Variants in MED27 observed in about 807,000 individuals in gnomAD.
MED27 encodes mediator of RNA polymerase II transcription subunit 27.
Under a neutral mutation model 38.2 loss-of-function variants are expected in MED27, and 30 were observed. The observed-to-expected ratio is 0.79, with a 90% confidence interval of 0.59 to 1.07. MED27 has a LOEUF of 1.07. Among genes scored for constraint, MED27 ranks in the 50% least tolerant of loss-of-function variants. MED27 has a pLI of 0.00. For synonymous variants in MED27, 122 were observed against 153.5 expected, an observed-to-expected ratio of 0.79 and a Z score of 1.52; for missense variants, 289 against 397.5, an observed-to-expected ratio of 0.73 and a Z score of 2.32.
At chr9:132,074,065 T>C (rs576041610) in intron 2 of MED27, among the ~76,000 whole-genome samples, 13 of 152,380 alleles carry the variant, frequency 8.5e-5, no homozygotes, top group South Asian at 4.1e-4. Context: ...CAAGTCTACA[T>C]TGACTATTTT....
intron 3 of MED27, among the ~76,000 whole-genome samples, chr9:131,989,976 T>C (rs894901688): frequency 6.6e-6 from 1 of 152,166 alleles, no homozygotes; most frequent in African/African-American, 2.4e-5. Flanking sequence ...AACTTCAGCT[T>C]GCAACCAAGG....
chr9:131,930,516 A>G (rs563225008), intron 4 of MED27, among the ~76,000 whole-genome samples: 1 of 152,348 alleles, frequency 6.6e-6, no homozygotes, highest in African/African-American at 2.4e-5. Flanking sequence ...ATATCCTATG[A>G]AAATATCCTT....
chr9:131,872,341 GGCCAAGCTAGAAGAGCGGGC>G lies in MED27; in HGVS notation c.724-9221_724-9202del, dbSNP rs1838851739. 6.6e-6 allele frequency among the ~76,000 whole-genome samples: 1 copy of G among 152,240 alleles called. No homozygotes were observed. The highest frequency in any genetic ancestry group is 2.4e-5 in the African/African-American group (1 of 41,458). On this transcript the variant is annotated intron_variant, in intron 6 of 7. Transcript: ENST00000292035. This position sits in a 1 kb window ranked among gnomAD's most constrained non-coding sequence, Gnocchi z 5.6. ...TTATCTGCCAGCACACAGCCCCCGAGGCCAAGCTAGAAGAGCGGGCGCCTCTACTATTCGGAGTATTTCCT... is the reference window on the plus strand; with the variant it reads ...TTATCTGCCAGCACACAGCCCCCGAGGCCTCTACTATTCGGAGTATTTCCT...
chr9:132,047,983 A>C (rs1344416695), intron 2 of MED27, among the ~76,000 whole-genome samples: 5 of 152,196 alleles, frequency 3.3e-5, no homozygotes, highest in Non-Finnish European at 7.3e-5. Flanking sequence ...TGTGGGAGTT[A>C]TTTATATCCT....
intron 3 of MED27, among the ~76,000 whole-genome samples, chr9:132,007,448 A>C (rs1459016291): frequency 6.6e-6 from 1 of 152,216 alleles, no homozygotes; most frequent in East Asian, 1.9e-4. Context: ...TCAGAAGGAA[A>C]ATATTATGTT....
intron 2 of MED27, among the ~76,000 whole-genome samples, chr9:132,024,576 A>C (rs1228477647): frequency 2.0e-5 from 3 of 152,240 alleles, no homozygotes; most frequent in African/African-American, 7.2e-5. Flanking sequence ...AAATGTAATG[A>C]GAAAATAGGA....
intron 3 of MED27, among the ~76,000 whole-genome samples, chr9:131,970,976 T>C (rs904746113): frequency 2.0e-5 from 3 of 152,212 alleles, no homozygotes; most frequent in East Asian, 3.8e-4. Context: ...GATAATGGCA[T>C]TGTGATTATA....
At chr9:131,968,895 C>G (rs1237940293) in intron 3 of MED27, among the ~76,000 whole-genome samples, 3 of 152,098 alleles carry the variant, frequency 2.0e-5, no homozygotes, top group African/African-American at 7.2e-5. Context: ...GCCTTAGATT[C>G]TCACAGGAGT....
At chr9:131,873,181 G>A (rs1209898490) in intron 6 of MED27, among the ~76,000 whole-genome samples, 2 of 152,236 alleles carry the variant, frequency 1.3e-5, no homozygotes, top group African/African-American at 4.8e-5. Context: ...AAAACTCTTT[G>A]TGGGTCCTGT....
At chr9:131,999,212 A>C (rs1403509062) in intron 3 of MED27, among the ~76,000 whole-genome samples, 1 of 152,180 alleles carries the variant, frequency 6.6e-6, no homozygotes, top group Non-Finnish European at 1.5e-5. Flanking sequence ...GGAGCCCCAA[A>C]ACATAGCAGG....
At chr9:131,986,999 ATTTTTTTTTTTTTTTTT>A (rs66519112) in intron 3 of MED27, among the ~76,000 whole-genome samples, 7 of 46,254 alleles carry the variant, frequency 1.5e-4, no homozygotes, top group Middle Eastern at 0.024. Flanking sequence ...GAGTTCATGG[ATTTTTTTTTTTTTTTTT>A]TTTTTTTTTT....
At chr9:131,968,869 T>C (rs1292934847) in intron 3 of MED27, among the ~76,000 whole-genome samples, 1 of 152,102 alleles carries the variant, frequency 6.6e-6, no homozygotes, top group Non-Finnish European at 1.5e-5. Flanking sequence ...CTCCACCTCC[T>C]GTCAGCTCAG....
At chr9:131,972,304 A>C (rs1178164696) in intron 3 of MED27, among the ~76,000 whole-genome samples, 3 of 152,232 alleles carry the variant, frequency 2.0e-5, no homozygotes, top group Admixed American at 2.0e-4. Flanking sequence ...TTTACCAAAA[A>C]AAAAATAATA....
At chr9:131,914,308 A>G (rs1447634491) in intron 4 of MED27, among the ~76,000 whole-genome samples, 1 of 152,222 alleles carries the variant, frequency 6.6e-6, no homozygotes, top group East Asian at 1.9e-4. Flanking sequence ...TACAGCAGAA[A>G]GCAAACACAC....
intron 3 of MED27, among the ~76,000 whole-genome samples, chr9:132,002,110 A>C (rs1397325447): frequency 6.6e-6 from 1 of 152,098 alleles, no homozygotes; most frequent in Non-Finnish European, 1.5e-5. Context: ...TAAAGTGAGG[A>C]CTGGCCCTGA....
chr9:131,987,518 G>C (rs995812589), intron 3 of MED27, among the ~76,000 whole-genome samples: 2 of 152,186 alleles, frequency 1.3e-5, no homozygotes, highest in Non-Finnish European at 2.9e-5. Context: ...AATAGAGTCT[G>C]TCTTAAAGAA....
At position 131,883,135 on chromosome 9, in the gene MED27, G is replaced by A. The variant is rs1170450209; in HGVS notation, c.723+923C>T. 1.3e-5 allele frequency among the ~76,000 whole-genome samples: 2 copies of A among 152,226 alleles called. No individual in the cohort carries two copies. Among genetic ancestry groups the A allele is most frequent in the Non-Finnish European group, 2.9e-5 (2 of 68,046 alleles). The stretch of plus-strand genomic sequence containing the variant: ...TTGGCTAGGCTGGTCTTGAACTCCT[G>A]ACCTCAGGTGATCTGCCTACCTTGG... On this transcript the variant is annotated intron_variant, in intron 6 of 7. Transcript: ENST00000292035. This position sits in a 1 kb window ranked among gnomAD's most constrained non-coding sequence, Gnocchi z 4.2.
At chr9:132,056,426 G>A (rs537070077) in intron 2 of MED27, among the ~76,000 whole-genome samples, 1 of 152,296 alleles carries the variant, frequency 6.6e-6, no homozygotes, top group Admixed American at 6.5e-5. Context: ...ATCGCTGGGT[G>A]AAAATACCAC....
In MED27 at chr9:131,883,807, C is replaced by T. The variant is rs73551403; in HGVS notation, c.723+251G>A. 0.014 allele frequency among the ~76,000 whole-genome samples: 2,121 copies of T among 152,312 alleles called. 53 individuals carry two copies. The highest frequency in any genetic ancestry group is 0.048 in the African/African-American group (1,997 of 41,552). ...TAAGATAAAGAATATTCCCACCACC[C>T]CACACTCCCTTGTGCCCCTTTGGGG... On this transcript the variant is annotated intron_variant, in intron 6 of 7. Transcript: ENST00000292035. The surrounding 1 kb of genome is among the most constrained non-coding windows in gnomAD (Gnocchi z 4.2).
Sources: allele counts gnomAD v4.1 joint callset (sites outside exome capture counted in the v4.1 genomes callset), GRCh38; gene constraint gnomAD v4.1.1; non-coding constraint Gnocchi (gnomAD v3.1); transcripts MANE v1.5; gene names NCBI Gene and HGNC (gene_info 2026-07-23, HGNC 2026-07-21).